Variants in PHACTR1 observed in about 807,000 individuals in gnomAD.
PHACTR1 encodes the protein phosphatase and actin regulator 1, also known as RPEL repeat containing 1.
Under a neutral mutation model 69.2 loss-of-function variants are expected in PHACTR1, and 16 were observed. The ratio of observed to expected loss-of-function variants is 0.23; its 90% CI spans 0.16 to 0.35. PHACTR1 has a LOEUF of 0.35. Among genes scored for constraint, PHACTR1 ranks in the 10% least tolerant of loss-of-function variants. The probability of loss-of-function intolerance (pLI) is 1.00; values close to 1 mark genes in which losing one functional copy is unlikely to be tolerated. For missense variants in PHACTR1, 510 were observed against 734.7 expected (o/e 0.69, Z 3.54); for synonymous variants, 312 against 284.5 (o/e 1.10, Z -0.97).
At chr6:12,747,993 G>A (rs547548057) in intron 3 of PHACTR1, among the ~76,000 whole-genome samples, 1 of 152,090 alleles carries the variant, frequency 6.6e-6, no homozygotes, top group Non-Finnish European at 1.5e-5. Context: ...CAAGAATGAT[G>A]GATTACTAAG....
chr6:13,105,192 A>G (rs563787228), intron 5 of PHACTR1, among the ~76,000 whole-genome samples: 25 of 152,258 alleles, frequency 1.6e-4, no homozygotes, highest in African/African-American at 6.0e-4. Flanking sequence ...AGCCTGGGCA[A>G]CACAGGGAGA....
chr6:13,140,281 G>A (rs1352865256), intron 5 of PHACTR1, among the ~76,000 whole-genome samples: 1 of 152,112 alleles, frequency 6.6e-6, no homozygotes, highest in Non-Finnish European at 1.5e-5. Flanking sequence ...TTCCACTTCT[G>A]GGTATATATC....
chr6:13,166,935 G>A (rs887696536), intron 6 of PHACTR1, among the ~76,000 whole-genome samples: 1 of 152,128 alleles, frequency 6.6e-6, no homozygotes, highest in Admixed American at 6.5e-5. Context: ...TCAAACCTGT[G>A]TCATTCAAGG....
intron 5 of PHACTR1, among the ~76,000 whole-genome samples, chr6:13,067,565 C>A (rs1315824283): frequency 6.6e-6 from 1 of 152,148 alleles, no homozygotes; most frequent in African/African-American, 2.4e-5. Flanking sequence ...GTAGCATACT[C>A]GTCTTTGTAT....
chr6:13,184,934 A>C, intron 7 of PHACTR1: 1 of 1,366,620 alleles, frequency 7.3e-7, no homozygotes, highest in Non-Finnish European at 9.8e-7. Context: ...CCAGTGAAGC[A>C]GCTGCCCCTT....
At chr6:13,057,448 T>C (rs1214181150) in intron 5 of PHACTR1, among the ~76,000 whole-genome samples, 2 of 152,190 alleles carry the variant, frequency 1.3e-5, no homozygotes, top group South Asian at 2.1e-4. Flanking sequence ...TATTTAAAAT[T>C]ATATCCCTCT....
chr6:13,278,736 T>C (rs1258978075), intron 12 of PHACTR1, among the ~76,000 whole-genome samples: 1 of 152,160 alleles, frequency 6.6e-6, no homozygotes, highest in Non-Finnish European at 1.5e-5. Context: ...GGTGAGTGGA[T>C]AGCTTGAAGC....
At chr6:12,752,817 C>T (rs969884513) in intron 4 of PHACTR1, among the ~76,000 whole-genome samples, 8 of 152,188 alleles carry the variant, frequency 5.3e-5, no homozygotes, top group South Asian at 2.1e-4. Flanking sequence ...CAAAGAATAG[C>T]ACCAAAATGT....
intron 4 of PHACTR1, among the ~76,000 whole-genome samples, chr6:12,856,251 C>CTTTTTTTTTTTTTTTTTTTTTTTTT (rs201867496): frequency 1.0e-5 from 1 of 95,330 alleles, no homozygotes. Flanking sequence ...TTCTTTCTTT[C>CTTTTTTTTTTTTTTTTTTTTTTTTT]TTTCTTTTTT....
chr6:12,744,742 G>T lies in PHACTR1; in HGVS notation c.104-4902G>T, dbSNP rs190236695. On this transcript the variant is annotated intron_variant, in intron 3 of 14. Coordinates refer to ENST00000332995, the MANE Select transcript of PHACTR1 (RefSeq NM_030948.6). ...GAGCAGCAAAAAAATGATGTTTTAT[G>T]CTGATATTGTATCCAGTGACATTCT... Among the ~76,000 whole-genome samples, 40 of 152,306 alleles carry T rather than the reference G, an allele frequency of 2.6e-4. 1 individual carries two copies. Among genetic ancestry groups the T allele is most frequent in the African/African-American group, 9.6e-4 (40 of 41,562 alleles).
chr6:13,147,381 T>G (rs1823568271), intron 5 of PHACTR1, among the ~76,000 whole-genome samples: 1 of 152,228 alleles, frequency 6.6e-6, no homozygotes, highest in Non-Finnish European at 1.5e-5. Context: ...CTATCTTCTC[T>G]CAGTTGCTTC....
At chr6:12,934,930 G>T (rs960670704) in intron 4 of PHACTR1, among the ~76,000 whole-genome samples, 1 of 152,050 alleles carries the variant, frequency 6.6e-6, no homozygotes, top group Non-Finnish European at 1.5e-5. Flanking sequence ...TGCTCAAGAT[G>T]TACAAGACCC....
intron 4 of PHACTR1, among the ~76,000 whole-genome samples, chr6:12,915,254 C>T (rs1008251827): frequency 6.6e-6 from 1 of 152,084 alleles, no homozygotes; most frequent in Non-Finnish European, 1.5e-5. Context: ...GCCTGTAATC[C>T]CAGCATTTTG....
chr6:12,900,579 TC>T (rs1242901118), intron 4 of PHACTR1, among the ~76,000 whole-genome samples: 1 of 152,178 alleles, frequency 6.6e-6, no homozygotes, highest in African/African-American at 2.4e-5. Flanking sequence ...GTGCCTGTAG[TC>T]CCAGCTACTT....
rs1189971330 is a variant in PHACTR1 at position 12,845,436 on chromosome 6, C to CG, written c.250+95646_250+95647insG. Reference sequence around the variant, plus strand: ...TCATTGTGAACACCACCCACCCCCCCCCCCCCCGCCCTCCGTGCTGGGCAG... The same window carrying CG: ...TCATTGTGAACACCACCCACCCCCCCGCCCCCCCGCCCTCCGTGCTGGGCAG... On this transcript the variant is annotated intron_variant, in intron 4 of 14. Coordinates refer to ENST00000332995, the MANE Select transcript of PHACTR1 (RefSeq NM_030948.6). Among the ~76,000 whole-genome samples the CG allele has an allele frequency of 3.8e-4, 21 of 55,726 alleles. 1 individual carries two copies. The highest frequency in any genetic ancestry group is 1.8e-3 in the Admixed American group (13 of 7,304). The allele number at this position is 55,726 out of a possible 152,430, so 36.6% of individuals were successfully genotyped here.
At chr6:13,100,350 C>A (rs79034418) in intron 5 of PHACTR1, among the ~76,000 whole-genome samples, 1,856 of 152,200 alleles carry the variant, frequency 0.012, 43 homozygotes, top group African/African-American at 0.042. Context: ...AGAACTATTT[C>A]TACATGTGTA....
chr6:13,072,239 T>C (rs988383978), intron 5 of PHACTR1, among the ~76,000 whole-genome samples: 1 of 152,208 alleles, frequency 6.6e-6, no homozygotes, highest in Non-Finnish European at 1.5e-5. Context: ...GCTCTTGTAA[T>C]GCTGAATCCT....
chr6:13,000,083 A>G (rs1166489834), intron 4 of PHACTR1, among the ~76,000 whole-genome samples: 1 of 152,230 alleles, frequency 6.6e-6, no homozygotes, highest in Non-Finnish European at 1.5e-5. Context: ...GTCAGGGTGT[A>G]CTGCAGGTGT....
At chr6:12,966,169 C>T (rs1167508181) in intron 4 of PHACTR1, among the ~76,000 whole-genome samples, 1 of 152,012 alleles carries the variant, frequency 6.6e-6, no homozygotes. Context: ...GTCAAGGTTG[C>T]AGGGAGGGTA....
Sources: allele counts gnomAD v4.1 joint callset (sites outside exome capture counted in the v4.1 genomes callset), GRCh38; gene constraint gnomAD v4.1.1; transcripts MANE v1.5; gene names NCBI Gene and HGNC (gene_info 2026-07-23, HGNC 2026-07-21).